The following KIAA0825 variants were observed in gnomAD, a reference collection of about 807,000 sequenced individuals.
KIAA0825 encodes the protein uncharacterized protein KIAA0825.
In KIAA0825, 119 loss-of-function variants were observed where a neutral mutation model predicts 147.6. The observed-to-expected ratio is 0.81, with a 90% CI of 0.69 to 0.94. The LOEUF is 0.94. KIAA0825 is among the 40% of genes least tolerant of loss of function. The pLI is 0.00. For missense variants in KIAA0825, 1,381 were observed against 1,472.7 expected (o/e 0.94, Z 1.02); for synonymous variants, 470 against 518.1 (o/e 0.91, Z 1.26).
At chr5:94,275,238 C>G (rs1777168297) in intron 20 of KIAA0825, among the ~76,000 whole-genome samples, 1 of 152,108 alleles carries the variant, frequency 6.6e-6, no homozygotes, top group Admixed American at 6.6e-5. Flanking sequence ...CAAAGAACTT[C>G]TGTGTACTTC....
chr5:94,530,455 A>G (rs1770565933), intron 3 of KIAA0825, among the ~76,000 whole-genome samples: 1 of 152,004 alleles, frequency 6.6e-6, no homozygotes, highest in African/African-American at 2.4e-5. Flanking sequence ...TGGCTTAAAG[A>G]AAAGTCCTTA....
At chr5:94,576,516 C>A (rs1008356879) in intron 2 of KIAA0825, among the ~76,000 whole-genome samples, 2 of 152,078 alleles carry the variant, frequency 1.3e-5, no homozygotes, top group African/African-American at 4.8e-5. Context: ...CCATGTGATA[C>A]CCTGTATCAC....
intron 20 of KIAA0825, among the ~76,000 whole-genome samples, chr5:94,239,419 C>T (rs1393064504): frequency 3.3e-5 from 5 of 152,152 alleles, no homozygotes; most frequent in Admixed American, 6.5e-5. Context: ...GAAAATCAAA[C>T]ATATGTCATA....
At chr5:94,522,057 T>C (rs888174227) in intron 4 of KIAA0825, among the ~76,000 whole-genome samples, 2 of 151,824 alleles carry the variant, frequency 1.3e-5, no homozygotes, top group East Asian at 3.8e-4. Flanking sequence ...AAATGCTTTT[T>C]AAGTATTTAT....
intron 15 of KIAA0825, chr5:94,415,415 G>A (rs1300526673): frequency 6.6e-6 from 1 of 151,896 alleles, no homozygotes; most frequent in Non-Finnish European, 1.5e-5. Context: ...TTAAACAAAA[G>A]TCATAGTAAA....
intron 20 of KIAA0825, among the ~76,000 whole-genome samples, chr5:94,380,498 G>A (rs1156710459): frequency 6.6e-6 from 1 of 152,202 alleles, no homozygotes; most frequent in Non-Finnish European, 1.5e-5. Flanking sequence ...GGCAAACAAG[G>A]TGCTATTCTT....
At position 94,553,797 on chromosome 5, in the gene KIAA0825, A is replaced by T. The variant is rs188221018; in HGVS notation, c.-1-16670T>A. Reference sequence around the variant, plus strand: ...AACCAAAAAAAAAAAACAAAAAGAAAAAAAAATTTAAAAATGAGGCAGGTA... The same window carrying T: ...AACCAAAAAAAAAAAACAAAAAGAATAAAAAATTTAAAAATGAGGCAGGTA... On this transcript the variant is annotated intron_variant, in intron 2 of 20. Coordinates refer to ENST00000682413, the MANE Select transcript of KIAA0825 (RefSeq NM_001145678.3). Among the ~76,000 whole-genome samples, 225 of 152,166 alleles carry T rather than the reference A, an allele frequency of 1.5e-3. 3 individuals are homozygous for T. The highest frequency in any genetic ancestry group is 0.014 in the Admixed American group (210 of 15,278).
intron 5 of KIAA0825, among the ~76,000 whole-genome samples, chr5:94,508,319 T>C (rs1383255197): frequency 1.3e-5 from 2 of 152,216 alleles, no homozygotes; most frequent in African/African-American, 2.4e-5. Flanking sequence ...AAGATAATTA[T>C]AAAAAATCAT....
Position 94,251,758 on chromosome 5 carries a change from A to T in KIAA0825, c.3711-97634T>A, listed in dbSNP as rs565700475. ...TAAATAAAATGCATTTTTTTTGTAT[A>T]GGTTGTTTGCAAAAAAGAAATAATG... is the stretch of plus-strand genomic sequence containing the variant. On this transcript the variant is annotated intron_variant, in intron 20 of 20. Coordinates refer to ENST00000682413, the MANE Select transcript of KIAA0825 (RefSeq NM_001145678.3). 2.4e-3 allele frequency among the ~76,000 whole-genome samples: 364 copies of T among 152,148 alleles called. 2 individuals carry two copies. Among genetic ancestry groups the T allele is most frequent in the Non-Finnish European group, 4.0e-3 (272 of 67,956 alleles).
chr5:94,546,917 C>T (rs1256167640), intron 2 of KIAA0825, among the ~76,000 whole-genome samples: 1 of 150,752 alleles, frequency 6.6e-6, no homozygotes, highest in Non-Finnish European at 1.5e-5. Flanking sequence ...TGTGACATTT[C>T]AGAGAATTTA....
chr5:94,495,217 G>C (rs1764217543), intron 5 of KIAA0825, among the ~76,000 whole-genome samples: 1 of 152,214 alleles, frequency 6.6e-6, no homozygotes, highest in Non-Finnish European at 1.5e-5. Context: ...TATTCTAAAA[G>C]AGTAGGGCAG....
chr5:94,466,698 C>G (rs1760560430), intron 10 of KIAA0825, among the ~76,000 whole-genome samples: 2 of 135,526 alleles, frequency 1.5e-5, no homozygotes, highest in Admixed American at 1.6e-4. Flanking sequence ...GATCGTGCCA[C>G]TGCACTCCAG....
At chr5:94,458,917 A>C (rs527905235) in intron 12 of KIAA0825, among the ~76,000 whole-genome samples, 1 of 152,264 alleles carries the variant, frequency 6.6e-6, no homozygotes, top group East Asian at 1.9e-4. Flanking sequence ...CCTCCTAAGT[A>C]TCTAATTTTA....
chr5:94,430,250 C>A (rs930960893), intron 14 of KIAA0825, among the ~76,000 whole-genome samples: 6 of 152,154 alleles, frequency 3.9e-5, no homozygotes, highest in African/African-American at 1.4e-4. Flanking sequence ...TTTGGCACGG[C>A]ATGTTTACCA....
intron 20 of KIAA0825, among the ~76,000 whole-genome samples, chr5:94,232,648 A>G (rs945776868): frequency 7.2e-5 from 11 of 152,124 alleles, no homozygotes; most frequent in African/African-American, 2.7e-4. Flanking sequence ...AATGAATGTG[A>G]CTTTTAGGGT....
chr5:94,617,951 C>G (rs1462326352), intron 1 of KIAA0825: 2 of 152,228 alleles, frequency 1.3e-5, no homozygotes, highest in African/African-American at 4.8e-5. Flanking sequence ...AGCTTGTTCT[C>G]TTATGTCTCA....
Position 94,152,861 on chromosome 5 carries a change from TATATATATA to T in KIAA0825, c.*1137_*1145del, listed in dbSNP as rs1766665321. ...AAAAAAAAAAAAAAAAAAAATTATA[TATATATATA>T]TATATATATATATATATATATATAT... On this transcript the variant is annotated 3_prime_UTR_variant, in exon 21 of 21. Coordinates refer to ENST00000682413, the MANE Select transcript of KIAA0825 (RefSeq NM_001145678.3). 1.0e-3 allele frequency: 4 copies of T among 4,008 alleles called. No individual in the cohort carries two copies. The highest frequency in any genetic ancestry group is 9.0e-4 in the Non-Finnish European group (2 of 2,218). The allele number at this position is 4,008 out of a possible 1,614,324, so 0.2% of individuals were successfully genotyped here.
At chr5:94,171,299 C>T (rs1012707314) in intron 20 of KIAA0825, among the ~76,000 whole-genome samples, 4 of 152,122 alleles carry the variant, frequency 2.6e-5, no homozygotes, top group Non-Finnish European at 4.4e-5. Context: ...CCTTGTAAGA[C>T]GTGACTTGCT....
At chr5:94,319,861 A>C (rs1160518317) in intron 20 of KIAA0825, among the ~76,000 whole-genome samples, 1 of 151,920 alleles carries the variant, frequency 6.6e-6, no homozygotes, top group Non-Finnish European at 1.5e-5. Flanking sequence ...ACTTGCTATC[A>C]TACAAAATCA....
Sources: allele counts gnomAD v4.1 joint callset (sites outside exome capture counted in the v4.1 genomes callset), GRCh38; gene constraint gnomAD v4.1.1; transcripts MANE v1.5; gene names NCBI Gene and HGNC (gene_info 2026-07-23, HGNC 2026-07-21).